Variants in GALNT13 observed in about 807,000 individuals in gnomAD.
The protein encoded by GALNT13 is UDP-GalNAc:polypeptide N-acetylgalactosaminyltransferase 13.
In GALNT13, 28 loss-of-function variants were observed where a neutral mutation model predicts 64.2. That is an observed-to-expected ratio of 0.44 (90% CI 0.32 to 0.60). GALNT13 has a LOEUF of 0.60. GALNT13 is among the 20% of genes least tolerant of loss of function. The probability of loss-of-function intolerance (pLI) is 0.05; values close to 1 mark genes in which losing one functional copy is unlikely to be tolerated. For synonymous variants in GALNT13, 214 were observed against 224.6 expected (o/e 0.95, Z 0.42); for missense variants, 577 against 669.8 (o/e 0.86, Z 1.53).
chr2:153,151,178 C>T, the GALNT13 span, among the ~76,000 whole-genome samples: 3 of 151,874 alleles, frequency 2.0e-5, no homozygotes, highest in African/African-American at 7.3e-5. Flanking sequence ...TGAGGAGGTC[C>T]TTCATGTCCC....
At chr2:153,191,861 A>G in the GALNT13 span, among the ~76,000 whole-genome samples, 8 of 152,048 alleles carry the variant, frequency 5.3e-5, no homozygotes, top group African/African-American at 1.9e-4. Context: ...AGTTGTTTAC[A>G]GAAGTCTCTG....
chr2:153,597,059 G>T, the GALNT13 span, among the ~76,000 whole-genome samples: 1 of 151,944 alleles, frequency 6.6e-6, no homozygotes, highest in African/African-American at 2.4e-5. Context: ...AAAATTCAAA[G>T]AATTCTTTTC....
chr2:153,121,182 G>A, the GALNT13 span, among the ~76,000 whole-genome samples: 2 of 152,152 alleles, frequency 1.3e-5, no homozygotes, highest in Non-Finnish European at 2.9e-5. Flanking sequence ...ACTTTCCAAA[G>A]CTGAAGACCA....
the GALNT13 span, among the ~76,000 whole-genome samples, chr2:153,793,715 A>T: frequency 6.6e-6 from 1 of 152,098 alleles, no homozygotes; most frequent in Non-Finnish European, 1.5e-5. Flanking sequence ...TCAAAGGAAA[A>T]TTTAAATCTT....
rs1210442233 is a variant in GALNT13 at position 154,355,085 on chromosome 2, C to T, written c.1157-40906C>T. On this transcript the variant is annotated intron_variant, in intron 9 of 12. Coordinates refer to ENST00000392825, the MANE Select transcript of GALNT13 (RefSeq NM_052917.4). ...TTTTGGCCTTACAAATGACCTTAAGCTTTTCAGACCCCACTCAACTGCCAT... is the reference window on the plus strand; with the variant it reads ...TTTTGGCCTTACAAATGACCTTAAGTTTTTCAGACCCCACTCAACTGCCAT... 2.0e-5 allele frequency among the ~76,000 whole-genome samples: 3 copies of T among 152,036 alleles called. No homozygotes were observed. The East Asian group carries it at 5.8e-4, about 29-fold the overall frequency.
chr2:153,813,475 C>T, the GALNT13 span, among the ~76,000 whole-genome samples: 2 of 152,162 alleles, frequency 1.3e-5, no homozygotes, highest in African/African-American at 4.8e-5. Context: ...TCACCCAGAC[C>T]AATTCCCCAT....
chr2:153,665,305 T>G, the GALNT13 span, among the ~76,000 whole-genome samples: 1 of 152,154 alleles, frequency 6.6e-6, no homozygotes, highest in South Asian at 2.1e-4. Context: ...AAGGTTTGGG[T>G]CACCCACTAA....
chr2:154,439,815 A>T (rs1701192222), intron 12 of GALNT13, among the ~76,000 whole-genome samples: 1 of 152,172 alleles, frequency 6.6e-6, no homozygotes. Context: ...CAGTGTTACC[A>T]GGATCTTAGG....
chr2:154,352,935 T>C (rs1365531828), intron 9 of GALNT13, among the ~76,000 whole-genome samples: 1 of 152,194 alleles, frequency 6.6e-6, no homozygotes, highest in Non-Finnish European at 1.5e-5. Context: ...CCAAACTTGT[T>C]GCTCTGGTTT....
intron 8 of GALNT13, among the ~76,000 whole-genome samples, chr2:154,298,453 A>T (rs1247284364): frequency 7.4e-6 from 1 of 135,948 alleles, no homozygotes; most frequent in African/African-American, 2.8e-5. Flanking sequence ...TATATAATTT[A>T]TATATACATA....
chr2:154,267,103 A>G lies in GALNT13; in HGVS notation c.975+7965A>G, dbSNP rs995616521. Among the ~76,000 whole-genome samples, 5 of 152,276 alleles carry G rather than the reference A, an allele frequency of 3.3e-5. No individual in the cohort carries two copies. The South Asian group carries it at 6.2e-4, about 19-fold the overall frequency. On this transcript the variant is annotated intron_variant, in intron 8 of 12. Transcript: ENST00000392825. ...AAAGGCTGTTTAGTAGAGAAAGAAT[A>G]GTAGTTTCAAAAATATTATTAGAAC...
At chr2:153,119,043 T>A in the GALNT13 span, among the ~76,000 whole-genome samples, 1 of 152,112 alleles carries the variant, frequency 6.6e-6, no homozygotes, top group Non-Finnish European at 1.5e-5. Context: ...CTTTCCCTAC[T>A]CTTCGCTTTG....
intron 3 of GALNT13, among the ~76,000 whole-genome samples, chr2:154,049,520 T>C (rs1257427903): frequency 1.4e-5 from 2 of 147,592 alleles, no homozygotes; most frequent in Non-Finnish European, 3.0e-5. Flanking sequence ...AAATATTATA[T>C]ATATATATAT....
chr2:153,412,363 T>G, the GALNT13 span, among the ~76,000 whole-genome samples: 2 of 152,322 alleles, frequency 1.3e-5, no homozygotes, highest in Middle Eastern at 3.4e-3. Context: ...GTTTCTGTCT[T>G]GTTAAAAGAA....
the GALNT13 span, among the ~76,000 whole-genome samples, chr2:153,527,638 C>T: frequency 6.6e-6 from 1 of 152,070 alleles, no homozygotes; most frequent in Admixed American, 6.6e-5. Context: ...TATTATAACC[C>T]TGTAACTGTG....
chr2:153,094,295 T>A, the GALNT13 span, among the ~76,000 whole-genome samples: 1 of 152,180 alleles, frequency 6.6e-6, no homozygotes, highest in Non-Finnish European at 1.5e-5. Context: ...GTTTTTTGTA[T>A]CTGATATGTT....
rs189529914 is a variant in GALNT13 at position 154,314,137 on chromosome 2, C to T, written c.1156+12548C>T. 2.9e-4 allele frequency among the ~76,000 whole-genome samples: 44 copies of T among 152,202 alleles called. 1 individual carries two copies. In the South Asian group the frequency reaches 4.6e-3, roughly 16 times the overall value. ...GAATTAAATATTATTCAAGTACATACGGAGGCTTTATTATAACTCCTTTCA... is the reference window on the plus strand; with the variant it reads ...GAATTAAATATTATTCAAGTACATATGGAGGCTTTATTATAACTCCTTTCA... On this transcript the variant is annotated intron_variant, in intron 9 of 12. Transcript: ENST00000392825.
chr2:154,000,833 G>A (rs1387211118), intron 3 of GALNT13, among the ~76,000 whole-genome samples: 1 of 151,966 alleles, frequency 6.6e-6, no homozygotes, highest in African/African-American at 2.4e-5. Flanking sequence ...TTTAACTGCA[G>A]TGTTTCTTTG....
chr2:153,218,848 T>C, the GALNT13 span, among the ~76,000 whole-genome samples: 1 of 152,366 alleles, frequency 6.6e-6, no homozygotes, highest in East Asian at 1.9e-4. Context: ...GGTCATGTTT[T>C]GTCTTTTTCT....
Sources: gnomAD v4.1 joint callset for allele counts (sites outside exome capture counted in the v4.1 genomes callset) on GRCh38, gnomAD v4.1.1 for gene constraint, MANE v1.5 for transcripts, NCBI Gene and HGNC (gene_info 2026-07-23, HGNC 2026-07-21) for gene names.